The following DNAH11 variants were observed in gnomAD, a reference collection of about 807,000 sequenced individuals.
The protein encoded by DNAH11 is dynein axonemal heavy chain 11.
In DNAH11, 442 loss-of-function variants were observed where a neutral mutation model predicts 526.0. The observed-to-expected ratio is 0.84, with a 90% CI of 0.78 to 0.91. The LOEUF (loss-of-function observed/expected upper bound fraction) is 0.91. Among genes scored for constraint, DNAH11 ranks in the 40% least tolerant of loss-of-function variants. DNAH11 has a pLI of 0.00. For missense variants in DNAH11, 6,989 were observed against 5,448.7 expected, an observed-to-expected ratio of 1.28 and a Z score of -8.90; for synonymous variants, 2,461 against 1,935.9, an observed-to-expected ratio of 1.27 and a Z score of -7.12.
At chr7:21,860,845 A>C (rs1783035514) in intron 68 of DNAH11, among the ~76,000 whole-genome samples, 1 of 152,180 alleles carries the variant, frequency 6.6e-6, no homozygotes, top group African/African-American at 2.4e-5. Flanking sequence ...TCATGGTGGA[A>C]GGCGAAAGGC....
At chr7:21,608,090 G>A in intron 20 of DNAH11, among the ~76,000 whole-genome samples, 1 of 127,232 alleles carries the variant, frequency 7.9e-6, no homozygotes, top group Non-Finnish European at 1.7e-5. Context: ...CCTTTCTCTT[G>A]TGATTCTTTT....
intron 76 of DNAH11, among the ~76,000 whole-genome samples, chr7:21,886,620 G>C (rs1363372609): frequency 6.6e-6 from 1 of 152,180 alleles, no homozygotes; most frequent in Non-Finnish European, 1.5e-5. Flanking sequence ...TACAGAGGCT[G>C]ATTTCTCCGA....
At chr7:21,647,705 A>G (rs1196994724) in intron 28 of DNAH11, among the ~76,000 whole-genome samples, 1 of 152,092 alleles carries the variant, frequency 6.6e-6, no homozygotes, top group African/African-American at 2.4e-5. Context: ...AGCTGGGATT[A>G]CAGGCATTAG....
chr7:21,901,701 TA>T lies in DNAH11; in HGVS notation c.*451del, dbSNP rs574466541. Reference sequence around the variant, plus strand: ...TTAGCCCTTAAACTCTTTCAAAATATAAAAGCAGCAGGCCCCAGGTGAGTCC... The same window carrying T: ...TTAGCCCTTAAACTCTTTCAAAATATAAAGCAGCAGGCCCCAGGTGAGTCC... On this transcript the variant is annotated 3_prime_UTR_variant, in exon 82 of 82. Transcript: ENST00000409508. The T allele has an allele frequency of 6.4e-6, 1 of 156,148 alleles. No homozygotes were observed. Among genetic ancestry groups the T allele is most frequent in the Non-Finnish European group, 1.4e-5 (1 of 70,572 alleles). The allele number at this position is 156,148 out of a possible 1,614,324, so 9.7% of individuals were successfully genotyped here. A position where few individuals can be genotyped will look rare whatever the true frequency, so the allele number is the denominator to read the frequency against.
intron 58 of DNAH11, among the ~76,000 whole-genome samples, chr7:21,785,680 A>C (rs1173886868): frequency 3.6e-5 from 5 of 137,762 alleles, no homozygotes; most frequent in African/African-American, 1.1e-4. Flanking sequence ...AGCTCCACTT[A>C]AAATATGAAG....
intron 25 of DNAH11, among the ~76,000 whole-genome samples, chr7:21,620,456 G>A (rs922624597): frequency 1.3e-5 from 2 of 151,602 alleles, no homozygotes; most frequent in African/African-American, 4.9e-5. Context: ...TAGATTCCAC[G>A]TGTAGATGGC....
chr7:21,831,151 C>A (rs140973428), intron 65 of DNAH11, among the ~76,000 whole-genome samples: 2 of 152,318 alleles, frequency 1.3e-5, no homozygotes, highest in South Asian at 4.1e-4. Context: ...AAAGTAGCCA[C>A]ACTTCCAAAT....
chr7:21,575,901 A>C (rs1176819981), intron 8 of DNAH11, among the ~76,000 whole-genome samples: 1 of 152,214 alleles, frequency 6.6e-6, no homozygotes, highest in Admixed American at 6.5e-5. Context: ...ACAACTGCGC[A>C]TTCCATCAGA....
Position 21,748,539 on chromosome 7 carries a change from A to T in DNAH11, c.8511-41A>T, listed in dbSNP as rs751196125. The stretch of plus-strand genomic sequence containing the variant: ...AACAGAACAGACATAGTCCCGGGGC[A>T]TTTTCGATTTTGTGCCATAATGGGC... On this transcript the variant is annotated intron_variant, in intron 51 of 81. Coordinates refer to ENST00000409508, the MANE Select transcript of DNAH11 (RefSeq NM_001277115.2). 3.5e-6 allele frequency: 5 copies of T among 1,433,264 alleles called. No individual in the cohort carries two copies. In the South Asian group the frequency reaches 8.9e-5, roughly 25 times the overall value. The allele number at this position is 1,433,264 out of a possible 1,614,324, so 88.8% of individuals were successfully genotyped here. A position where few individuals can be genotyped will look rare whatever the true frequency, so the allele number is the denominator to read the frequency against.
chr7:21,636,012 A>G lies in DNAH11; in HGVS notation c.4642A>G (p.Ser1548Gly), dbSNP rs1304771074. The change falls in exon 26 of 82, where the codon AGC (serine) becomes GGC (glycine). Residue 1548 changes from serine to glycine, a missense_variant. Transcript: ENST00000409508. ...EVQRTWSHLE[S>G]IFVCSEDIRI... is the part of the protein sequence containing the mutation. ...CCAGCGAACTTGGTCTCACCTGGAA[A>G]GCATTTTTGTCTGTTCAGAAGATAT... 1.9e-6 allele frequency: 3 copies of G among 1,613,676 alleles called. No homozygotes were observed. The highest frequency in any genetic ancestry group is 4.5e-5 in the East Asian group (2 of 44,888).
intron 8 of DNAH11, among the ~76,000 whole-genome samples, chr7:21,580,072 A>AT (rs1784254087): frequency 1.3e-5 from 2 of 152,174 alleles, no homozygotes; most frequent in Admixed American, 6.5e-5. Flanking sequence ...TTAGGTATGA[A>AT]TTTTTTGTGG....
chr7:21,801,921 G>A (rs1789012140), intron 62 of DNAH11, among the ~76,000 whole-genome samples: 1 of 152,164 alleles, frequency 6.6e-6, no homozygotes, highest in Non-Finnish European at 1.5e-5. Context: ...TCTCTTGCTT[G>A]AACATGAGTG....
chr7:21,582,050 A>C, intron 9 of DNAH11, 29 bp downstream of exon 9: 1 of 1,436,758 alleles, frequency 7.0e-7, no homozygotes, highest in South Asian at 1.2e-5. Flanking sequence ...ATCATAAAAA[A>C]CGTTTACTAT....
At chr7:21,611,485 T>A (rs934130867) in intron 20 of DNAH11, among the ~76,000 whole-genome samples, 2 of 152,212 alleles carry the variant, frequency 1.3e-5, no homozygotes, top group Non-Finnish European at 2.9e-5. Context: ...TGTATCTATT[T>A]ATTTTTTCCT....
intron 65 of DNAH11, among the ~76,000 whole-genome samples, chr7:21,837,589 G>A (rs770413583): frequency 6.6e-6 from 1 of 152,070 alleles, no homozygotes; most frequent in Non-Finnish European, 1.5e-5. Context: ...GGAGGATGGT[G>A]GGGAGAGATT....
chr7:21,657,406 A>G (rs866018961), intron 29 of DNAH11, among the ~76,000 whole-genome samples: 9 of 152,158 alleles, frequency 5.9e-5, no homozygotes, highest in South Asian at 2.1e-4. Flanking sequence ...GAAGTGCCAA[A>G]AAGGGAAGGA....
Position 21,681,542 on chromosome 7 carries a change from C to T in DNAH11, c.5329-4C>T, listed in dbSNP as rs1783136941. ...TCTCCTTTTTAAAAAATGATTCCTT[C>T]TAGATTTCTCAGCTGAATACACTGA... On this transcript the variant is annotated splice_polypyrimidine_tract_variant and splice_region_variant and intron_variant, in intron 30 of 81. Coordinates refer to ENST00000409508, the MANE Select transcript of DNAH11 (RefSeq NM_001277115.2). The T allele has an allele frequency of 6.2e-7, 1 of 1,613,174 alleles. No homozygotes were observed. The highest frequency in any genetic ancestry group is 8.5e-7 in the Non-Finnish European group (1 of 1,179,412).
intron 69 of DNAH11, among the ~76,000 whole-genome samples, chr7:21,863,188 C>G (rs189422514): frequency 2.6e-5 from 4 of 151,890 alleles, no homozygotes; most frequent in East Asian, 1.9e-4. Context: ...TGCTTTATGT[C>G]TTTTTCTATC....
intron 66 of DNAH11, among the ~76,000 whole-genome samples, chr7:21,844,541 A>G (rs1011140083): frequency 6.6e-6 from 1 of 152,234 alleles, no homozygotes; most frequent in Non-Finnish European, 1.5e-5. Context: ...CTTATGGCCT[A>G]CAAAGCCAAA....
Sources: gnomAD v4.1 joint callset for allele counts (sites outside exome capture counted in the v4.1 genomes callset) on GRCh38, gnomAD v4.1.1 for gene constraint, MANE v1.5 for transcripts, NCBI Gene and HGNC (gene_info 2026-07-23, HGNC 2026-07-21) for gene names.